GLRB: variants seen among roughly 807,000 people sequenced by gnomAD.
GLRB encodes the protein glycine receptor subunit beta.
Under a neutral mutation model 54.2 loss-of-function variants are expected in GLRB, and 33 were observed. The ratio of observed to expected loss-of-function variants is 0.61; its 90% CI spans 0.46 to 0.81. The LOEUF (loss-of-function observed/expected upper bound fraction) is 0.81. Among genes scored for constraint, GLRB ranks in the 40% least tolerant of loss-of-function variants. GLRB has a pLI of 0.00. For synonymous variants in GLRB, 209 were observed against 208.2 expected (o/e 1.00, Z -0.03); for missense variants, 572 against 584.6 (o/e 0.98, Z 0.22).
Position 157,152,862 on chromosome 4 carries a change from T to C in GLRB, c.1049T>C (p.Val350Ala). 1.2e-6 allele frequency: 2 copies of C among 1,614,020 alleles called. No homozygotes were observed. Among genetic ancestry groups the C allele is most frequent in the Non-Finnish European group, 1.7e-6 (2 of 1,180,002 alleles). The change falls in exon 9 of 10, where the codon GTC becomes GCC. Residue 350 changes from valine (V) to alanine (A), a missense_variant. Coordinates refer to ENST00000264428, the MANE Select transcript of GLRB (RefSeq NM_000824.5). The part of the protein sequence containing the change: ...GFASLVEYAV[V>A]QVMLNNPKRV... Reference sequence around the variant, plus strand: ...GCTTCCCTGGTGGAGTATGCAGTTGTCCAGGTGATGCTGAACAACCCCAAA... The same window carrying C: ...GCTTCCCTGGTGGAGTATGCAGTTGCCCAGGTGATGCTGAACAACCCCAAA...
intron 2 of GLRB, among the ~76,000 whole-genome samples, chr4:157,097,792 G>A (rs557308379): frequency 1.2e-4 from 19 of 152,188 alleles, no homozygotes; most frequent in African/African-American, 3.4e-4. Context: ...AGGCTGAGGC[G>A]GGTGAATTGC....
chr4:157,114,238 A>G (rs1735522942), intron 2 of GLRB, among the ~76,000 whole-genome samples: 1 of 151,742 alleles, frequency 6.6e-6, no homozygotes, highest in Non-Finnish European at 1.5e-5. Context: ...CCATGTGATT[A>G]TTATATACAT....
intron 8 of GLRB, 42 bp from the exon 9 acceptor site, chr4:157,152,676 A>G (rs772403728): frequency 2.0e-6 from 3 of 1,508,554 alleles, no homozygotes; most frequent in East Asian, 2.3e-5. Context: ...AACATCTCAT[A>G]GGGATAAAAA....
chr4:157,141,652 T>G (rs367677390), intron 7 of GLRB, among the ~76,000 whole-genome samples: 7 of 152,158 alleles, frequency 4.6e-5, no homozygotes, highest in African/African-American at 1.7e-4. Flanking sequence ...TGAACATTTA[T>G]ATCAATTAGC....
rs72685584 is a variant in GLRB, at chr4:157,171,581, T to C, written c.*853T>C. 11,555 of 152,302 alleles carry C rather than the reference T, an allele frequency of 0.076. 579 individuals carry two copies. Among genetic ancestry groups the C allele is most frequent in the Middle Eastern group, 0.15 (43 of 294 alleles). 9.4% of individuals were successfully genotyped at this position (152,302 alleles called of 1,614,324 possible). ...TGGAATGCAGTAATAGATATGTGAT[T>C]TTACATCATTTTTAAGAAACCAAGG... On this transcript the variant is annotated 3_prime_UTR_variant, in exon 10 of 10. Coordinates refer to ENST00000264428, the MANE Select transcript of GLRB (RefSeq NM_000824.5).
intron 1 of GLRB, among the ~76,000 whole-genome samples, chr4:157,077,298 A>C (rs1734073592): frequency 6.6e-6 from 1 of 152,160 alleles, no homozygotes; most frequent in East Asian, 1.9e-4. Flanking sequence ...TTGTTGTAGA[A>C]TTTCTGAAGT....
chr4:157,095,355 A>G, intron 2 of GLRB, among the ~76,000 whole-genome samples: 1 of 152,036 alleles, frequency 6.6e-6, no homozygotes, highest in East Asian at 1.9e-4. Context: ...GTTAAAAACT[A>G]CAGGAAGAGT....
At chr4:157,131,241 G>A (rs1160083828) in intron 4 of GLRB, among the ~76,000 whole-genome samples, 1 of 151,596 alleles carries the variant, frequency 6.6e-6, no homozygotes, top group African/African-American at 2.4e-5. Context: ...TAAAACTTGG[G>A]ATGTTTTTTC....
intron 2 of GLRB, among the ~76,000 whole-genome samples, chr4:157,098,849 C>T (rs2126474201): frequency 6.6e-6 from 1 of 152,078 alleles, no homozygotes. Context: ...CTCAGGCAAT[C>T]CACCTGCCTT....
At chr4:157,129,889 A>G (rs1395714895) in intron 4 of GLRB, among the ~76,000 whole-genome samples, 1 of 151,654 alleles carries the variant, frequency 6.6e-6, no homozygotes, top group Non-Finnish European at 1.5e-5. Context: ...AAATAATTGT[A>G]GGTAGATCAT....
chr4:157,148,065 G>A (rs1157329943), intron 8 of GLRB, among the ~76,000 whole-genome samples: 1 of 152,174 alleles, frequency 6.6e-6, no homozygotes, highest in East Asian at 1.9e-4. Flanking sequence ...AAGGGAGGTA[G>A]ATGGGTAGAT....
At position 157,111,257 on chromosome 4, in the gene GLRB, A is replaced by G. The variant is rs1218660444; in HGVS notation, c.123-9299A>G. Reference sequence around the variant, plus strand: ...GGTTTACTTCCGTTCCTTGCTGTGCACTGAGCTTTGGGGAGGAGCTGTGGC... The same window carrying G: ...GGTTTACTTCCGTTCCTTGCTGTGCGCTGAGCTTTGGGGAGGAGCTGTGGC... On this transcript the variant is annotated intron_variant, in intron 2 of 9. Coordinates refer to ENST00000264428, the MANE Select transcript of GLRB (RefSeq NM_000824.5). Among the ~76,000 whole-genome samples the G allele has an allele frequency of 5.3e-5, 8 of 152,108 alleles. 1 individual carries two copies. In the South Asian group the frequency reaches 1.5e-3, roughly 28 times the overall value.
At chr4:157,145,587 G>A (rs1247409428) in intron 8 of GLRB, among the ~76,000 whole-genome samples, 1 of 152,050 alleles carries the variant, frequency 6.6e-6, no homozygotes, top group Non-Finnish European at 1.5e-5. Flanking sequence ...TGGGGATGTT[G>A]TTAACAAAAT....
chr4:157,112,832 T>A (rs1735471064), intron 2 of GLRB, among the ~76,000 whole-genome samples: 1 of 151,938 alleles, frequency 6.6e-6, no homozygotes, highest in African/African-American at 2.4e-5. Context: ...CTCTGAACTG[T>A]AGGCAGCCAA....
intron 2 of GLRB, among the ~76,000 whole-genome samples, chr4:157,118,452 C>T (rs551443669): frequency 6.6e-6 from 1 of 151,702 alleles, no homozygotes; most frequent in African/African-American, 2.4e-5. Flanking sequence ...TATAGTTTTA[C>T]CTGCAATTAA....
At chr4:157,151,919 A>G (rs1737035112) in intron 8 of GLRB, among the ~76,000 whole-genome samples, 1 of 152,128 alleles carries the variant, frequency 6.6e-6, no homozygotes, top group African/African-American at 2.4e-5. Flanking sequence ...CTGACTCAGC[A>G]TGTTCCTGGT....
In GLRB at chr4:157,170,804, G is replaced by A. The variant is rs1159512434; in HGVS notation, c.*76G>A. The A allele has an allele frequency of 3.6e-6, 3 of 823,462 alleles. No individual in the cohort carries two copies. The highest frequency in any genetic ancestry group is 4.0e-5 in the South Asian group (2 of 49,544). The allele number at this position is 823,462 out of a possible 1,614,324, so 51.0% of individuals were successfully genotyped here. ...TCCTTTCATAAATGCCAATCTGTGAGAACTTTTGAATTTTCATAGCAACAT... is the reference window on the plus strand; with the variant it reads ...TCCTTTCATAAATGCCAATCTGTGAAAACTTTTGAATTTTCATAGCAACAT... On this transcript the variant is annotated 3_prime_UTR_variant, in exon 10 of 10. Coordinates refer to ENST00000264428, the MANE Select transcript of GLRB (RefSeq NM_000824.5).
chr4:157,096,509 A>C (rs1734817126), intron 2 of GLRB, among the ~76,000 whole-genome samples: 1 of 152,212 alleles, frequency 6.6e-6, no homozygotes, highest in African/African-American at 2.4e-5. Context: ...ATTGGTTTCC[A>C]AACAATGGTC....
rs1200117143 is a variant in GLRB, at chr4:157,077,420, TA to T, written c.-29-569del. ...AGCTTGCCAATGTAATGTGTTTAAA[TA>T]AAAAAAGCAATGAATTTTGAATGTG... is the stretch of plus-strand genomic sequence containing the variant. On this transcript the variant is annotated intron_variant, in intron 1 of 9. Coordinates refer to ENST00000264428, the MANE Select transcript of GLRB (RefSeq NM_000824.5). 8.5e-5 allele frequency among the ~76,000 whole-genome samples: 13 copies of T among 152,138 alleles called. No homozygotes were observed. The South Asian group carries it at 2.1e-3, about 24-fold the overall frequency.
Sources: gnomAD v4.1 joint callset for allele counts (sites outside exome capture counted in the v4.1 genomes callset) on GRCh38, gnomAD v4.1.1 for gene constraint, MANE v1.5 for transcripts, NCBI Gene and HGNC (gene_info 2026-07-23, HGNC 2026-07-21) for gene names.